Variants in PCDHGA3 observed in about 807,000 individuals in gnomAD.
PCDHGA3 encodes the protein protocadherin gamma subfamily A, 3, also known as protocadherin gamma-A3.
Under a neutral mutation model 58.5 loss-of-function variants are expected in PCDHGA3, and 40 were observed. The ratio of observed to expected loss-of-function variants is 0.68; its 90% CI spans 0.53 to 0.89. PCDHGA3 has a LOEUF of 0.89. Ranked by LOEUF, PCDHGA3 falls within the 40% of genes least tolerant of loss-of-function variation. The probability of loss-of-function intolerance (pLI) is 0.00; values close to 1 mark genes in which losing one functional copy is unlikely to be tolerated. For synonymous variants in PCDHGA3, 530 were observed against 525.7 expected, an observed-to-expected ratio of 1.01 and a Z score of -0.11; for missense variants, 1,223 against 1,195.9, an observed-to-expected ratio of 1.02 and a Z score of -0.33.
Position 141,344,557 on chromosome 5 carries a change from A to G in PCDHGA3, c.524A>G (p.Asn175Ser), listed in dbSNP as rs147973403. 75 of 1,614,004 alleles carry G rather than the reference A, an allele frequency of 4.6e-5. No homozygotes were observed. Among genetic ancestry groups the G allele is most frequent in the Middle Eastern group, 1.6e-4 (1 of 6,062 alleles). ...CTGCAGAACTACAAGCTTAGCCCCA[A>G]TGACTACTTCTCTCTGGCTGTGAAT... ...NSLQNYKLSP[N>S]DYFSLAVNSV... Residue 175 changes from asparagine (N) to serine (S), a missense_variant, in exon 1 of 4, where the codon AAT becomes AGT. Around this residue, in one of 3 missense-constraint regions of PCDHGA3, gnomAD observed 791 missense variants for 708.5 expected, o/e 1.12. Transcript: ENST00000253812.
At chr5:141,414,223 G>C in intron 1 of PCDHGA3, 1 of 1,613,426 alleles carries the variant, frequency 6.2e-7, no homozygotes, top group Non-Finnish European at 8.5e-7. Flanking sequence ...CAACAGTCCA[G>C]AGCTGACCAT....
chr5:141,418,348 T>G (rs2096249125), intron 1 of PCDHGA3: 1 of 1,613,982 alleles, frequency 6.2e-7, no homozygotes, highest in African/African-American at 1.3e-5. Flanking sequence ...CTGATATTAG[T>G]ATGAATTCGC....
chr5:141,409,508 A>G, intron 1 of PCDHGA3: 2 of 1,614,022 alleles, frequency 1.2e-6, no homozygotes, highest in Non-Finnish European at 1.7e-6. Context: ...TTCTTCCAGT[A>G]GAAGCATCAC....
At chr5:141,392,979 C>T (rs1356713892) in intron 1 of PCDHGA3, 4 of 1,613,718 alleles carry the variant, frequency 2.5e-6, no homozygotes, top group Admixed American at 1.7e-5. Context: ...GGGGCTGGAC[C>T]CCCGGAAGCT....
intron 1 of PCDHGA3, chr5:141,427,780 TGTCGTCCTAC>T (rs892399327): frequency 8.9e-6 from 13 of 1,455,886 alleles, no homozygotes; most frequent in Middle Eastern, 1.7e-4. Context: ...CTGCGGGCAC[TGTCGTCCTAC>T]GTGTCCGTGA....
chr5:141,511,411 A>T lies in PCDHGA3; in HGVS notation c.*238A>T. On this transcript the variant is annotated 3_prime_UTR_variant, in exon 4 of 4. Transcript: ENST00000253812. ...GAACCCCCATCCAATCAACTGCTGTACCCATGGGGGTAGTGGGGTTACTGT... is the reference window on the plus strand; with the variant it reads ...GAACCCCCATCCAATCAACTGCTGTTCCCATGGGGGTAGTGGGGTTACTGT... 1.1e-6 allele frequency: 1 copy of T among 901,334 alleles called. No individual in the cohort carries two copies. Among genetic ancestry groups the T allele is most frequent in the Non-Finnish European group, 1.6e-6 (1 of 617,750 alleles). 55.8% of individuals were successfully genotyped at this position (901,334 alleles called of 1,614,324 possible).
chr5:141,490,396 A>G lies in PCDHGA3; in HGVS notation c.2425-4411A>G. ...GGACTCAGGTAGAAATGGTGAAGTGAGCCTTGATATCTCTCCGGACCTGCC... is the reference window on the plus strand; with the variant it reads ...GGACTCAGGTAGAAATGGTGAAGTGGGCCTTGATATCTCTCCGGACCTGCC... On this transcript the variant is annotated intron_variant, in intron 1 of 3. Coordinates refer to ENST00000253812, the MANE Select transcript of PCDHGA3 (RefSeq NM_018916.4). The surrounding 1 kb of genome is among the most constrained non-coding windows in gnomAD (Gnocchi z 5.4). 1 of 1,614,146 alleles carries G rather than the reference A, an allele frequency of 6.2e-7. No homozygotes were observed. The highest frequency in any genetic ancestry group is 8.5e-7 in the Non-Finnish European group (1 of 1,180,030).
intron 1 of PCDHGA3, among the ~76,000 whole-genome samples, chr5:141,353,110 G>A (rs954233030): frequency 6.6e-6 from 1 of 152,146 alleles, no homozygotes; most frequent in African/African-American, 2.4e-5. Flanking sequence ...GATAGATGGA[G>A]ATTGCTTTCT....
chr5:141,345,513 G>A lies in PCDHGA3; in HGVS notation c.1480G>A (p.Asp494Asn), dbSNP rs758033061. ...CCGCATCACTTATGCATTGACCGAG[G>A]ACACTCTCCAGGGGGCGCCCCTGTC... ...NARITYALTE[D>N]TLQGAPLSSF... Residue 494 changes from aspartate to asparagine, a missense_variant, in exon 1 of 4, where the codon GAC (aspartate) becomes AAC (asparagine). Asp to Asn is a conservative substitution (Grantham distance 23, BLOSUM62 1). Coordinates refer to ENST00000253812, the MANE Select transcript of PCDHGA3 (RefSeq NM_018916.4). The A allele has an allele frequency of 2.5e-6, 4 of 1,614,088 alleles. No homozygotes were observed. The South Asian group carries it at 4.4e-5, about 18-fold the overall frequency.
chr5:141,376,001 C>A lies in PCDHGA3; in HGVS notation c.2424+29544C>A, dbSNP rs1554084237. On this transcript the variant is annotated intron_variant, in intron 1 of 3. Transcript: ENST00000253812. ...CCTGCTGGACAGAGACGCGCTCAAGCAGAGCCTAGTGGTGGCCGTCCAGGA... is the reference window on the plus strand; with the variant it reads ...CCTGCTGGACAGAGACGCGCTCAAGAAGAGCCTAGTGGTGGCCGTCCAGGA... 10 of 1,613,362 alleles carry A rather than the reference C, an allele frequency of 6.2e-6. No homozygotes were observed. The Admixed American group carries it at 1.7e-4, about 27-fold the overall frequency.
At chr5:141,372,748 C>G (rs771861396) in intron 1 of PCDHGA3, 13 of 1,613,014 alleles carry the variant, frequency 8.1e-6, no homozygotes, top group East Asian at 2.2e-5. Flanking sequence ...TGTGATGAAG[C>G]CTCTTGGTTT....
intron 2 of PCDHGA3, among the ~76,000 whole-genome samples, chr5:141,500,501 G>A (rs571735791): frequency 1.3e-5 from 2 of 152,058 alleles, no homozygotes; most frequent in Non-Finnish European, 2.9e-5. Context: ...GAGCCACCGC[G>A]CCTGGCCGAG....
intron 2 of PCDHGA3, among the ~76,000 whole-genome samples, chr5:141,501,536 G>A (rs570102957): frequency 5.9e-5 from 9 of 152,054 alleles, no homozygotes; most frequent in African/African-American, 2.2e-4. Context: ...GTACGTTGTT[G>A]TGCATAAGAT....
Position 141,436,164 on chromosome 5 carries a change from A to G in PCDHGA3, c.2425-58643A>G, listed in dbSNP as rs896845015. Among the ~76,000 whole-genome samples, 8 of 152,188 alleles carry G rather than the reference A, an allele frequency of 5.3e-5. No homozygotes were observed. The East Asian group carries it at 1.3e-3, about 26-fold the overall frequency. ...AACTACCAAAATGTTTATCATATGG[A>G]CAGTTCTCATATATAGTCAAATAGA... On this transcript the variant is annotated intron_variant, in intron 1 of 3. Transcript: ENST00000253812.
chr5:141,462,070 G>C lies in PCDHGA3; in HGVS notation c.2425-32737G>C, dbSNP rs572217894. Among the ~76,000 whole-genome samples, 18 of 152,196 alleles carry C rather than the reference G, an allele frequency of 1.2e-4. No individual in the cohort carries two copies. In the South Asian group the frequency reaches 3.7e-3, roughly 32 times the overall value. On this transcript the variant is annotated intron_variant, in intron 1 of 3. Coordinates refer to ENST00000253812, the MANE Select transcript of PCDHGA3 (RefSeq NM_018916.4). ...ACTCCCGACCTCAGGTGATCTGCCC[G>C]CCTTGGCCTCCCAAAATGCTGGGAT...
Position 141,413,696 on chromosome 5 carries a change from A to G in PCDHGA3, c.2424+67239A>G, listed in dbSNP as rs753150251. On this transcript the variant is annotated intron_variant, in intron 1 of 3. Coordinates refer to ENST00000253812, the MANE Select transcript of PCDHGA3 (RefSeq NM_018916.4). ...GTGGGCGTGAACTCCCTGCAGAGCTATCAGCTCAGCCCCAATAAGCACTTC... is the reference window on the plus strand; with the variant it reads ...GTGGGCGTGAACTCCCTGCAGAGCTGTCAGCTCAGCCCCAATAAGCACTTC... 3.1e-6 allele frequency: 5 copies of G among 1,613,522 alleles called. No homozygotes were observed. In the Admixed American group the frequency reaches 6.7e-5, roughly 22 times the overall value.
chr5:141,400,645 G>A, intron 1 of PCDHGA3: 1 of 1,239,756 alleles, frequency 8.1e-7, no homozygotes, highest in Non-Finnish European at 1.2e-6. Context: ...TGCTCAGAAA[G>A]CTGTCCTACC....
chr5:141,404,517 A>C (rs1268035794), intron 1 of PCDHGA3: 1 of 1,613,938 alleles, frequency 6.2e-7, no homozygotes, highest in South Asian at 1.1e-5. Flanking sequence ...TCCTTTGACT[A>C]TGAGCAGTTT....
rs996153387 is a variant in PCDHGA3, at chr5:141,491,985, G to A, written c.2425-2822G>A. 24 of 743,298 alleles carry A rather than the reference G, an allele frequency of 3.2e-5. No homozygotes were observed. Among genetic ancestry groups the A allele is most frequent in the Non-Finnish European group, 4.5e-5 (22 of 494,254 alleles). 46.0% of individuals were successfully genotyped at this position (743,298 alleles called of 1,614,324 possible). On this transcript the variant is annotated intron_variant, in intron 1 of 3. Transcript: ENST00000253812. The surrounding 1 kb of genome is among the most constrained non-coding windows in gnomAD (Gnocchi z 6.9). ...AGGCCGGGGCCTCCTTCGAGCTTCC[G>A]GTGAATTTCGGGCGATTTCCGCGGG...
Sources: allele counts gnomAD v4.1 joint callset (sites outside exome capture counted in the v4.1 genomes callset), GRCh38; gene constraint gnomAD v4.1.1; regional missense constraint gnomAD v4.1.1; non-coding constraint Gnocchi (gnomAD v3.1); transcripts MANE v1.5; gene names NCBI Gene and HGNC (gene_info 2026-07-23, HGNC 2026-07-21).